Variants in CHODL observed in about 807,000 individuals in gnomAD.
The protein encoded by CHODL is transmembrane protein MT75.
In CHODL, 29 loss-of-function variants were observed where a neutral mutation model predicts 34.5. The observed-to-expected ratio is 0.84, with a 90% confidence interval of 0.63 to 1.15. The LOEUF is 1.15. Ranked by LOEUF, CHODL falls within the 50% of genes most tolerant of loss-of-function variation. The pLI is 0.00. For synonymous variants in CHODL, 125 were observed against 116.1 expected (o/e 1.08, Z -0.49); for missense variants, 332 against 332.5 (o/e 1.00, Z 0.01).
chr21:18,138,378 G>A (rs1167684865), intron 2 of CHODL, among the ~76,000 whole-genome samples: 1 of 152,042 alleles, frequency 6.6e-6, no homozygotes, highest in Non-Finnish European at 1.5e-5. Flanking sequence ...TTTTCATAGT[G>A]TTTACAACAT....
intron 2 of CHODL, among the ~76,000 whole-genome samples, chr21:18,080,693 A>G (rs973811919): frequency 6.6e-6 from 1 of 151,974 alleles, no homozygotes; most frequent in Non-Finnish European, 1.5e-5. Flanking sequence ...GATCTATGTG[A>G]CTATTTTTAT....
At chr21:18,068,039 T>C (rs1568869171) in intron 2 of CHODL, among the ~76,000 whole-genome samples, 1 of 152,120 alleles carries the variant, frequency 6.6e-6, no homozygotes, top group East Asian at 1.9e-4. Flanking sequence ...TTTTCTCTTA[T>C]TGGTTTTTAT....
Position 18,013,704 on chromosome 21 carries a change from G to A in CHODL, c.-144-14168G>A, listed in dbSNP as rs1236254106. 5.8e-5 allele frequency among the ~76,000 whole-genome samples: 8 copies of A among 137,838 alleles called. No individual in the cohort carries two copies. The South Asian group carries it at 7.4e-4, about 13-fold the overall frequency. 90.4% of individuals were successfully genotyped at this position (137,838 alleles called of 152,430 possible). Reference sequence around the variant, plus strand: ...GGCTGGAGTGCAGTGGTGTGATCTCGGTTCACTGCAACCTCTGCCGCCTGG... The same window carrying A: ...GGCTGGAGTGCAGTGGTGTGATCTCAGTTCACTGCAACCTCTGCCGCCTGG... On this transcript the variant is annotated intron_variant, in intron 1 of 6. Coordinates refer to the CHODL transcript ENST00000400127.
chr21:18,012,326 T>C (rs976638861), intron 1 of CHODL, among the ~76,000 whole-genome samples: 13 of 152,240 alleles, frequency 8.5e-5, no homozygotes, highest in African/African-American at 2.9e-4. Flanking sequence ...CTACTGACAA[T>C]CTCTATGTCA....
At chr21:18,108,329 G>A (rs904066106) in intron 2 of CHODL, among the ~76,000 whole-genome samples, 2 of 152,168 alleles carry the variant, frequency 1.3e-5, no homozygotes, top group African/African-American at 4.8e-5. Flanking sequence ...GGAATTGGGA[G>A]TGACATGCCC....
At chr21:18,158,551 C>T (rs1356783745) in intron 2 of CHODL, among the ~76,000 whole-genome samples, 2 of 152,050 alleles carry the variant, frequency 1.3e-5, no homozygotes, top group Admixed American at 6.6e-5. Flanking sequence ...TCAAGAAAAG[C>T]ATGCGGCCTG....
At chr21:17,919,054 C>T (rs150475576) in intron 1 of CHODL, among the ~76,000 whole-genome samples, 1 of 152,226 alleles carries the variant, frequency 6.6e-6, no homozygotes, top group Non-Finnish European at 1.5e-5. Context: ...CAGCTCTGCC[C>T]CTGTGGCTTT....
At chr21:17,945,539 T>C (rs917204706) in intron 1 of CHODL, among the ~76,000 whole-genome samples, 14 of 152,082 alleles carry the variant, frequency 9.2e-5, no homozygotes, top group Non-Finnish European at 2.1e-4. Flanking sequence ...AGATAGAACA[T>C]TGAAATTTTT....
intron 1 of CHODL, among the ~76,000 whole-genome samples, chr21:18,001,063 G>T (rs755386474): frequency 1.3e-5 from 2 of 152,144 alleles, no homozygotes; most frequent in Non-Finnish European, 1.5e-5. Flanking sequence ...TCCAGGATAG[G>T]CCAGGTAGGA....
intron 1 of CHODL, among the ~76,000 whole-genome samples, chr21:17,923,506 G>A (rs1177843024): frequency 1.4e-5 from 2 of 139,260 alleles, no homozygotes; most frequent in African/African-American, 2.7e-5. Flanking sequence ...TTGTTGCCCA[G>A]GCTGGAGTGT....
At chr21:18,174,157 A>ATCTTTG (rs1555879241) in intron 2 of CHODL, among the ~76,000 whole-genome samples, 1 of 88,212 alleles carries the variant, frequency 1.1e-5, no homozygotes, top group Non-Finnish European at 2.6e-5. Context: ...ATATATATAT[A>ATCTTTG]TATAAAATCA....
intron 2 of CHODL, among the ~76,000 whole-genome samples, chr21:18,226,388 C>T (rs371257724): frequency 4.6e-5 from 7 of 152,144 alleles, no homozygotes; most frequent in Non-Finnish European, 1.0e-4. Flanking sequence ...GCAACCTTCA[C>T]CTCCCAGGTT....
At chr21:18,190,360 A>C (rs2073496617) in intron 2 of CHODL, among the ~76,000 whole-genome samples, 1 of 152,338 alleles carries the variant, frequency 6.6e-6, no homozygotes, top group East Asian at 1.9e-4. Flanking sequence ...GTTCCATTGA[A>C]TTCCATTCCT....
intron 2 of CHODL, among the ~76,000 whole-genome samples, chr21:18,097,734 G>A (rs779990453): frequency 1.3e-5 from 2 of 151,958 alleles, no homozygotes; most frequent in Admixed American, 1.3e-4. Context: ...AATTTATATG[G>A]AATCACAAAA....
intron 2 of CHODL, among the ~76,000 whole-genome samples, chr21:18,155,326 A>G (rs1033572115): frequency 6.6e-6 from 1 of 152,100 alleles, no homozygotes; most frequent in African/African-American, 2.4e-5. Flanking sequence ...CCTTGAAAGA[A>G]CCTGTCCTTG....
At chr21:17,920,327 G>C (rs1370199351) in intron 1 of CHODL, among the ~76,000 whole-genome samples, 1 of 152,192 alleles carries the variant, frequency 6.6e-6, no homozygotes, top group African/African-American at 2.4e-5. Context: ...TAGCTGGGGA[G>C]GCCTCACAAT....
chr21:18,260,507 T>C (rs2074367690), intron 4 of CHODL, among the ~76,000 whole-genome samples: 1 of 152,140 alleles, frequency 6.6e-6, no homozygotes, highest in Admixed American at 6.6e-5. Context: ...CTAAACTAAG[T>C]GATCCACATT....
intron 2 of CHODL, among the ~76,000 whole-genome samples, chr21:18,031,535 T>C (rs2064247749): frequency 6.6e-6 from 1 of 150,398 alleles, no homozygotes; most frequent in South Asian, 2.1e-4. Context: ...GAAAAATAGA[T>C]TTTTTTGGGG....
chr21:18,174,252 AT>A (rs1362036994), intron 2 of CHODL, among the ~76,000 whole-genome samples: 3 of 149,616 alleles, frequency 2.0e-5, no homozygotes, highest in African/African-American at 7.3e-5. Context: ...TTAAAAAATA[AT>A]GTAACGCTAG....
Sources: gnomAD v4.1 joint callset for allele counts (sites outside exome capture counted in the v4.1 genomes callset) on GRCh38, gnomAD v4.1.1 for gene constraint, MANE v1.5 for transcripts, NCBI Gene and HGNC (gene_info 2026-07-23, HGNC 2026-07-21) for gene names.